Variants in POU2F1 observed in about 807,000 individuals in gnomAD.
The protein encoded by POU2F1 is POU domain, class 2, transcription factor 1.
A neutral mutation model predicts 84.9 loss-of-function variants in POU2F1; 16 were observed. That is an observed-to-expected ratio of 0.19 (90% CI 0.13 to 0.29). The LOEUF (loss-of-function observed/expected upper bound fraction) is 0.29, where lower values mean the gene tolerates loss of function less well. Ranked by LOEUF, POU2F1 falls within the 10% of genes least tolerant of loss-of-function variation. The probability of loss-of-function intolerance (pLI) is 1.00; values close to 1 mark genes in which losing one functional copy is unlikely to be tolerated. For synonymous variants in POU2F1, 368 were observed against 368.3 expected (o/e 1.00, Z 0.01); for missense variants, 738 against 942.6 (o/e 0.78, Z 2.84).
chr1:167,243,361 C>G (rs1650054254), intron 1 of POU2F1, among the ~76,000 whole-genome samples: 1 of 152,242 alleles, frequency 6.6e-6, no homozygotes, highest in South Asian at 2.1e-4. Flanking sequence ...AATTGCTGAG[C>G]ACGTTGGAAT....
At chr1:167,284,522 A>G (rs1029254070) in intron 1 of POU2F1, among the ~76,000 whole-genome samples, 1 of 152,170 alleles carries the variant, frequency 6.6e-6, no homozygotes, top group Non-Finnish European at 1.5e-5. Flanking sequence ...TTTCTAGTTT[A>G]TTTTTTAGGT....
Position 167,292,094 on chromosome 1 carries a change from G to A in POU2F1, c.62-40376G>A, listed in dbSNP as rs1290572705. On this transcript the variant is annotated intron_variant, in intron 1 of 15. Coordinates refer to ENST00000367866, the MANE Select transcript of POU2F1 (RefSeq NM_002697.4). ...TACCGTGTCTCAGTGCTTTGAGACT[G>A]TGTGAGGCGGGGGAAGAGCTGTTGA... Among the ~76,000 whole-genome samples the A allele has an allele frequency of 5.3e-5, 8 of 152,116 alleles. No individual in the cohort carries two copies. In the East Asian group the frequency reaches 1.5e-3, roughly 29 times the overall value.
At chr1:167,355,232 G>C (rs1658860038) in intron 2 of POU2F1, among the ~76,000 whole-genome samples, 1 of 145,966 alleles carries the variant, frequency 6.9e-6, no homozygotes, top group South Asian at 2.2e-4. Flanking sequence ...TTTTTAAATA[G>C]ATACCCAGCT....
intron 1 of POU2F1, among the ~76,000 whole-genome samples, chr1:167,301,421 C>A (rs1054171945): frequency 6.6e-6 from 1 of 152,140 alleles, no homozygotes; most frequent in Non-Finnish European, 1.5e-5. Flanking sequence ...AAAAATTGTT[C>A]TTAACTGAGA....
At chr1:167,383,022 T>C (rs932058261) in intron 7 of POU2F1, among the ~76,000 whole-genome samples, 1 of 152,204 alleles carries the variant, frequency 6.6e-6, no homozygotes, top group Admixed American at 6.5e-5. Context: ...GATAATCTTA[T>C]CACATATTCA....
In POU2F1 at chr1:167,389,756, A is replaced by G; in HGVS notation, c.982A>G (p.Thr328Ala). 1 of 1,613,032 alleles carries G rather than the reference A, an allele frequency of 6.2e-7. No homozygotes were observed. The highest frequency in any genetic ancestry group is 8.5e-7 in the Non-Finnish European group (1 of 1,179,484). Residue 328 changes from threonine to alanine, a missense_variant, in exon 9 of 16, where the codon ACT (threonine) becomes GCT (alanine). This residue lies in a region of POU2F1 where 95 missense variants were observed against 195.1 expected (regional missense o/e 0.49). Coordinates refer to ENST00000367866, the MANE Select transcript of POU2F1 (RefSeq NM_002697.4). ...FKQRRIKLGF[T>A]QGDVGLAMGK... Reference sequence around the variant, plus strand: ...ACAAAGACGAATCAAACTTGGATTCACTCAGGTAGGGTGAATTGGCCTTAC... The same window carrying G: ...ACAAAGACGAATCAAACTTGGATTCGCTCAGGTAGGGTGAATTGGCCTTAC...
At chr1:167,322,409 C>A (rs1656376608) in intron 1 of POU2F1, among the ~76,000 whole-genome samples, 1 of 152,200 alleles carries the variant, frequency 6.6e-6, no homozygotes, top group Non-Finnish European at 1.5e-5. Flanking sequence ...CTAGACATAC[C>A]TAGAAGTAAT....
chr1:167,271,012 G>A (rs1208228381), intron 1 of POU2F1, among the ~76,000 whole-genome samples: 2 of 152,164 alleles, frequency 1.3e-5, no homozygotes, highest in African/African-American at 4.8e-5. Context: ...GTTTGTGATT[G>A]TACCTTTCCA....
chr1:167,403,534 T>C (rs1649350630), intron 13 of POU2F1, among the ~76,000 whole-genome samples: 1 of 152,244 alleles, frequency 6.6e-6, no homozygotes, highest in Non-Finnish European at 1.5e-5. Flanking sequence ...CTCTTTGGAC[T>C]GTAACTTTCT....
chr1:167,257,819 G>C (rs1385029343), intron 1 of POU2F1: 2 of 151,308 alleles, frequency 1.3e-5, no homozygotes, highest in East Asian at 1.9e-4. Context: ...CTGTCTCCCA[G>C]GCTGGAGTGC....
chr1:167,364,517 G>A (rs1379863636), intron 2 of POU2F1, among the ~76,000 whole-genome samples: 4 of 1,488 alleles, frequency 2.7e-3, no homozygotes, highest in Non-Finnish European at 0.014. Flanking sequence ...GCGACAGAGC[G>A]AGCTCCGTCT....
chr1:167,246,297 T>C (rs924953693), intron 1 of POU2F1, among the ~76,000 whole-genome samples: 13 of 152,214 alleles, frequency 8.5e-5, no homozygotes, highest in African/African-American at 3.1e-4. Context: ...CCTTTCCTCC[T>C]AAAGCAAAGT....
intron 1 of POU2F1, among the ~76,000 whole-genome samples, chr1:167,223,565 C>T (rs755758734): frequency 3.3e-5 from 5 of 152,030 alleles, no homozygotes; most frequent in Non-Finnish European, 5.9e-5. Flanking sequence ...TATGTTAAGA[C>T]ATTTTGGTGA....
At chr1:167,223,113 C>T (rs1648360526) in intron 1 of POU2F1, among the ~76,000 whole-genome samples, 1 of 152,058 alleles carries the variant, frequency 6.6e-6, no homozygotes, top group Non-Finnish European at 1.5e-5. Context: ...TTGTCATAGA[C>T]TTGCTTATTT....
Position 167,401,469 on chromosome 1 carries a change from C to T in POU2F1, c.1468C>T (p.Leu490Phe). Residue 490 changes from leucine (L) to phenylalanine (F), a missense_variant, in exon 13 of 16, where the codon CTT becomes TTT. Around this residue, in one of 4 missense-constraint regions of POU2F1, gnomAD observed 319 missense variants for 386.0 expected, o/e 0.83. Coordinates refer to ENST00000367866, the MANE Select transcript of POU2F1 (RefSeq NM_002697.4). The stretch of plus-strand genomic sequence containing the variant: ...CCTCAAGGTGGCGACCACACCAAGC[C>T]TTGTGACTAGCAGTGCAGCAACTAC... ...PTSLVATTPS[L>F]VTSSAATTLT... The T allele has an allele frequency of 1.9e-6, 3 of 1,612,644 alleles. No homozygotes were observed. Among genetic ancestry groups the T allele is most frequent in the Non-Finnish European group, 2.5e-6 (3 of 1,179,394 alleles).
chr1:167,293,995 T>G (rs1654106236), intron 1 of POU2F1, among the ~76,000 whole-genome samples: 1 of 151,736 alleles, frequency 6.6e-6, no homozygotes, highest in East Asian at 1.9e-4. Context: ...GACTCAAAAC[T>G]GGAACTAGAA....
chr1:167,286,315 C>G (rs545324577), intron 1 of POU2F1, among the ~76,000 whole-genome samples: 1 of 152,076 alleles, frequency 6.6e-6, no homozygotes, highest in African/African-American at 2.4e-5. Context: ...TCAGTTTTGC[C>G]CCTAAAACAC....
chr1:167,237,804 G>A (rs1373334922), intron 1 of POU2F1, among the ~76,000 whole-genome samples: 1 of 97,626 alleles, frequency 1.0e-5, no homozygotes, highest in Non-Finnish European at 1.8e-5. Flanking sequence ...TTTTTTGGCA[G>A]AGTGTTGCTC....
chr1:167,354,665 T>G (rs1232761482), intron 2 of POU2F1, among the ~76,000 whole-genome samples: 1 of 152,222 alleles, frequency 6.6e-6, no homozygotes, highest in African/African-American at 2.4e-5. Context: ...GCATTTGTAC[T>G]GGTTTATACT....
Sources: gnomAD v4.1 joint callset for allele counts (sites outside exome capture counted in the v4.1 genomes callset) on GRCh38, gnomAD v4.1.1 for gene constraint, gnomAD v4.1.1 regional missense constraint, MANE v1.5 for transcripts, NCBI Gene and HGNC (gene_info 2026-07-23, HGNC 2026-07-21) for gene names.